Variants in DARS1 observed in about 807,000 individuals in gnomAD.
DARS1 encodes the protein aspartyl-tRNA synthetase 1, also known as aspartate--tRNA ligase, cytoplasmic.
In DARS1, 51 loss-of-function variants were observed where a neutral mutation model predicts 68.8. The observed-to-expected ratio is 0.74, with a 90% CI of 0.59 to 0.94. DARS1 has a LOEUF of 0.94. Among genes scored for constraint, DARS1 ranks in the 40% least tolerant of loss-of-function variants. The probability of loss-of-function intolerance (pLI) is 0.00; values close to 1 mark genes in which losing one functional copy is unlikely to be tolerated. For synonymous variants in DARS1, 203 were observed against 190.4 expected (o/e 1.07, Z -0.55); for missense variants, 607 against 597.3 (o/e 1.02, Z -0.17).
rs529102828 is a variant in DARS1, at chr2:135,910,072, G to T, written c.1414+1067C>A. ...TTCTTTATCCATTCATCCACTGATGGACACTAAGGTCATTTCTATATCTTG... is the reference window on the plus strand; with the variant it reads ...TTCTTTATCCATTCATCCACTGATGTACACTAAGGTCATTTCTATATCTTG... On this transcript the variant is annotated intron_variant, in intron 15 of 15. Coordinates refer to ENST00000264161, the MANE Select transcript of DARS1 (RefSeq NM_001349.4). Among the ~76,000 whole-genome samples the T allele has an allele frequency of 8.7e-4, 133 of 152,272 alleles. 3 individuals are homozygous for T. The highest frequency in any genetic ancestry group is 2.8e-3 in the African/African-American group (116 of 41,576).
intron 6 of DARS1, among the ~76,000 whole-genome samples, chr2:135,933,323 T>C (rs1417688017): frequency 1.3e-5 from 2 of 152,252 alleles, no homozygotes; most frequent in East Asian, 1.9e-4. Context: ...TTCATGAGTA[T>C]ACTGAGCAGT....
At chr2:135,938,469 C>A (rs947303725) in intron 5 of DARS1, among the ~76,000 whole-genome samples, 4 of 152,166 alleles carry the variant, frequency 2.6e-5, no homozygotes, top group African/African-American at 9.7e-5. Context: ...TTATTATCTA[C>A]CGTCTGAAGC....
intron 5 of DARS1, among the ~76,000 whole-genome samples, chr2:135,942,228 G>A (rs961216384): frequency 1.3e-5 from 2 of 151,904 alleles, no homozygotes; most frequent in African/African-American, 2.4e-5. Context: ...GGCACTATTC[G>A]CAATAGCAAA....
At chr2:135,932,241 TACA>T (rs952775413) in intron 7 of DARS1, among the ~76,000 whole-genome samples, 1 of 152,148 alleles carries the variant, frequency 6.6e-6, no homozygotes, top group African/African-American at 2.4e-5. Context: ...ATGGTTTTAC[TACA>T]ACAATGATGA....
chr2:135,978,996 T>C (rs1167749075), intron 3 of DARS1: 1 of 279,288 alleles, frequency 3.6e-6, no homozygotes, highest in African/African-American at 2.2e-5. Flanking sequence ...TAGCTACTCC[T>C]TCTCCAGCTG....
intron 1 of DARS1, among the ~76,000 whole-genome samples, chr2:135,984,178 C>T (rs1682713548): frequency 6.6e-6 from 1 of 152,042 alleles, no homozygotes; most frequent in African/African-American, 2.4e-5. Context: ...TTCAATCTTA[C>T]TTTACCTCTA....
intron 3 of DARS1, among the ~76,000 whole-genome samples, chr2:135,972,856 A>T (rs1682407139): frequency 6.6e-6 from 1 of 152,262 alleles, no homozygotes; most frequent in Non-Finnish European, 1.5e-5. Flanking sequence ...GAGGAATGCA[A>T]ATCAAAACTA....
intron 1 of DARS1, among the ~76,000 whole-genome samples, chr2:135,983,693 G>A (rs1181831354): frequency 1.3e-5 from 2 of 152,118 alleles, no homozygotes; most frequent in African/African-American, 4.8e-5. Flanking sequence ...CTCCTAGATG[G>A]ATTTACCATA....
At chr2:135,962,187 A>G (rs537147771) in intron 3 of DARS1, among the ~76,000 whole-genome samples, 7 of 152,220 alleles carry the variant, frequency 4.6e-5, no homozygotes, top group Admixed American at 1.3e-4. Flanking sequence ...ATTTTTACAT[A>G]TCCTGGGCCT....
chr2:135,918,873 G>A (rs895635230), intron 10 of DARS1, among the ~76,000 whole-genome samples: 24 of 152,148 alleles, frequency 1.6e-4, no homozygotes, highest in Non-Finnish European at 1.5e-4. Flanking sequence ...ATTGAAAACT[G>A]ATTAAAATAA....
rs1681005283 is a variant in DARS1, at chr2:135,916,347, T to C, written c.985A>G (p.Asn329Asp). Residue 329 changes from asparagine (N) to aspartate (D), a missense_variant, in exon 11 of 16, where the codon AAT becomes GAT. By Grantham distance (23) the Asn-to-Asp change is conservative. Coordinates refer to ENST00000264161, the MANE Select transcript of DARS1 (RefSeq NM_001349.4). ...ERFQTEIQTV[N>D]KQFPCEPFKF... ...AATGGCTCACATGGGAACTGTTTAT[T>C]CACTGTTTGAATTTCAGTCTGAAAC... 1.3e-6 allele frequency: 2 copies of C among 1,512,612 alleles called. No individual in the cohort carries two copies. Among genetic ancestry groups the C allele is most frequent in the Non-Finnish European group, 1.8e-6 (2 of 1,087,626 alleles). The allele number at this position is 1,512,612 out of a possible 1,614,324, so 93.7% of individuals were successfully genotyped here.
intron 5 of DARS1, among the ~76,000 whole-genome samples, chr2:135,937,286 G>A (rs768618120): frequency 2.2e-4 from 33 of 151,914 alleles, no homozygotes; most frequent in Admixed American, 4.6e-4. Flanking sequence ...ACAAGGTTTC[G>A]CCATGTTGAT....
chr2:135,914,706 A>C, intron 11 of DARS1, 195 bp from the exon 12 acceptor site: 1 of 523,702 alleles, frequency 1.9e-6, no homozygotes, highest in Non-Finnish European at 3.5e-6. Context: ...ACAGTGACTC[A>C]GTGCTTAGTA....
At chr2:135,967,747 C>T (rs2104839378) in intron 3 of DARS1, among the ~76,000 whole-genome samples, 1 of 152,136 alleles carries the variant, frequency 6.6e-6, no homozygotes, top group Non-Finnish European at 1.5e-5. Flanking sequence ...CTTCCATTTC[C>T]TTATTCACAG....
intron 12 of DARS1, among the ~76,000 whole-genome samples, chr2:135,913,389 G>T (rs1014255482): frequency 6.6e-6 from 1 of 152,056 alleles, no homozygotes; most frequent in African/African-American, 2.4e-5. Flanking sequence ...AGAAATAAAT[G>T]ACATTAACTT....
intron 5 of DARS1, among the ~76,000 whole-genome samples, chr2:135,940,203 A>C (rs941420861): frequency 6.6e-6 from 1 of 151,910 alleles, no homozygotes; most frequent in Non-Finnish European, 1.5e-5. Context: ...GAGACATAAC[A>C]AAAAAAAGAG....
intron 4 of DARS1, among the ~76,000 whole-genome samples, chr2:135,957,560 C>A: frequency 6.6e-6 from 1 of 152,066 alleles, no homozygotes; most frequent in East Asian, 1.9e-4. Context: ...TGGGGTTTCG[C>A]CATGTTGGCC....
intron 4 of DARS1, among the ~76,000 whole-genome samples, chr2:135,948,690 C>A (rs542399138): frequency 2.0e-3 from 298 of 152,048 alleles, no homozygotes; most frequent in Admixed American, 3.5e-3. Flanking sequence ...CATGGTGAAA[C>A]CCCGTCTCCA....
At chr2:135,956,663 G>T (rs1251207286) in intron 4 of DARS1, among the ~76,000 whole-genome samples, 1 of 152,158 alleles carries the variant, frequency 6.6e-6, no homozygotes, top group African/African-American at 2.4e-5. Context: ...AGTCAGTAGG[G>T]AACTAAATCC....
Sources: gnomAD v4.1 joint callset for allele counts (sites outside exome capture counted in the v4.1 genomes callset) on GRCh38, gnomAD v4.1.1 for gene constraint, MANE v1.5 for transcripts, NCBI Gene and HGNC (gene_info 2026-07-23, HGNC 2026-07-21) for gene names.